Variants in SEMA3E observed in about 807,000 individuals in gnomAD.
The protein encoded by SEMA3E is semaphorin-3E.
Under a neutral mutation model 93.6 loss-of-function variants are expected in SEMA3E, and 49 were observed. The ratio of observed to expected loss-of-function variants is 0.52; its 90% CI spans 0.42 to 0.66. SEMA3E has a LOEUF of 0.66. SEMA3E is among the 30% of genes least tolerant of loss of function. The probability of loss-of-function intolerance (pLI) is 0.00; values close to 1 mark genes in which losing one functional copy is unlikely to be tolerated. For synonymous variants in SEMA3E, 363 were observed against 330.7 expected, an observed-to-expected ratio of 1.10 and a Z score of -1.06; for missense variants, 906 against 964.8, an observed-to-expected ratio of 0.94 and a Z score of 0.81.
intron 2 of SEMA3E, among the ~76,000 whole-genome samples, chr7:83,478,516 A>C (rs1295258764): frequency 6.6e-6 from 1 of 152,176 alleles, no homozygotes; most frequent in Non-Finnish European, 1.5e-5. Context: ...ATGTGTACAG[A>C]TTGCAAGGGG....
At chr7:83,568,864 TC>T in intron 1 of SEMA3E, among the ~76,000 whole-genome samples, 1 of 152,100 alleles carries the variant, frequency 6.6e-6, no homozygotes, top group South Asian at 2.1e-4. Context: ...GTACTAAAAG[TC>T]CTAGTCAGAG....
chr7:83,623,139 G>A (rs1008783175), intron 1 of SEMA3E, among the ~76,000 whole-genome samples: 2 of 151,964 alleles, frequency 1.3e-5, no homozygotes, highest in African/African-American at 4.8e-5. Flanking sequence ...CATTTGCCAG[G>A]CAATTTTATT....
At chr7:83,442,617 G>A (rs1789138783) in intron 4 of SEMA3E, among the ~76,000 whole-genome samples, 1 of 152,082 alleles carries the variant, frequency 6.6e-6, no homozygotes, top group African/African-American at 2.4e-5. Flanking sequence ...TTCTACGTTT[G>A]CTAAAGCTGC....
chr7:83,560,421 T>A (rs1021175858), intron 1 of SEMA3E, among the ~76,000 whole-genome samples: 2 of 152,212 alleles, frequency 1.3e-5, no homozygotes, highest in South Asian at 2.1e-4. Context: ...TAGTGGTGTC[T>A]TGTCCAGCTC....
chr7:83,419,473 G>A (rs1239546724), intron 4 of SEMA3E, among the ~76,000 whole-genome samples: 1 of 152,110 alleles, frequency 6.6e-6, no homozygotes, highest in Non-Finnish European at 1.5e-5. Flanking sequence ...GGGTCAAATG[G>A]TAATTCTGTT....
intron 4 of SEMA3E, among the ~76,000 whole-genome samples, chr7:83,450,597 G>C (rs1789339117): frequency 6.6e-6 from 1 of 151,682 alleles, no homozygotes; most frequent in Non-Finnish European, 1.5e-5. Flanking sequence ...TTATTTTGGG[G>C]GTAGTTATTG....
intron 1 of SEMA3E, among the ~76,000 whole-genome samples, chr7:83,561,980 G>A (rs1053063568): frequency 4.6e-5 from 7 of 152,076 alleles, no homozygotes; most frequent in African/African-American, 1.7e-4. Context: ...TATTGATTTG[G>A]AGGGCGCATG....
At chr7:83,614,494 T>C (rs1415932126) in intron 1 of SEMA3E, among the ~76,000 whole-genome samples, 5 of 152,096 alleles carry the variant, frequency 3.3e-5, no homozygotes, top group Admixed American at 6.6e-5. Context: ...AGCAAAAATA[T>C]TTTCTTCACA....
chr7:83,533,000 C>T (rs1163136923), intron 1 of SEMA3E, among the ~76,000 whole-genome samples: 1 of 152,034 alleles, frequency 6.6e-6, no homozygotes, highest in Non-Finnish European at 1.5e-5. Flanking sequence ...ACATGGTTTC[C>T]TCATTCACCT....
intron 1 of SEMA3E, among the ~76,000 whole-genome samples, chr7:83,516,521 A>T (rs1790931548): frequency 6.6e-6 from 1 of 152,194 alleles, no homozygotes; most frequent in Non-Finnish European, 1.5e-5. Flanking sequence ...GCAAATCTTA[A>T]CACAGGGAGG....
chr7:83,569,301 TAGACA>T (rs139306781), intron 1 of SEMA3E, among the ~76,000 whole-genome samples: 71,342 of 151,312 alleles, frequency 0.47, 19,408 homozygotes, highest in African/African-American at 0.77. Flanking sequence ...ACTCATCCCA[TAGACA>T]AGACAATATA....
chr7:83,524,516 G>A (rs563255741), intron 1 of SEMA3E, among the ~76,000 whole-genome samples: 1 of 152,202 alleles, frequency 6.6e-6, no homozygotes, highest in Non-Finnish European at 1.5e-5. Context: ...ATTCCTAGAA[G>A]CAGGTGGTGT....
rs73177155 is a variant in SEMA3E at position 83,648,897 on chromosome 7, A to G, written c.-355T>C. 4,062 of 185,086 alleles carry G rather than the reference A, an allele frequency of 0.022. 79 individuals carry two copies. Among genetic ancestry groups the G allele is most frequent in the Non-Finnish European group, 0.03 (2,985 of 99,322 alleles). The allele number at this position is 185,086 out of a possible 1,614,324, so 11.5% of individuals were successfully genotyped here. A position where few individuals can be genotyped will look rare whatever the true frequency, so the allele number is the denominator to read the frequency against. Reference sequence around the variant, plus strand: ...TGTTCATTCAGAAAAAAAAAAAAAAAAGAGAGAAAAAAACAAAACCGAGCA... The same window carrying G: ...TGTTCATTCAGAAAAAAAAAAAAAAGAGAGAGAAAAAAACAAAACCGAGCA... On this transcript the variant is annotated 5_prime_UTR_variant, in exon 1 of 17. Coordinates refer to ENST00000643230, the MANE Select transcript of SEMA3E (RefSeq NM_012431.3).
chr7:83,648,835 A>G lies in SEMA3E; in HGVS notation c.-293T>C. ...CTTCAGCAACTACGCCGGTAGATTCAGGAAGAAGCTGTATTTTTCAGTCAC... is the reference window on the plus strand; with the variant it reads ...CTTCAGCAACTACGCCGGTAGATTCGGGAAGAAGCTGTATTTTTCAGTCAC... On this transcript the variant is annotated 5_prime_UTR_variant, in exon 1 of 17. Coordinates refer to ENST00000643230, the MANE Select transcript of SEMA3E (RefSeq NM_012431.3). The G allele has an allele frequency of 3.0e-6, 1 of 335,076 alleles. No individual in the cohort carries two copies. Among genetic ancestry groups the G allele is most frequent in the Non-Finnish European group, 5.6e-6 (1 of 179,034 alleles). 20.8% of individuals were successfully genotyped at this position (335,076 alleles called of 1,614,324 possible).
chr7:83,533,359 T>A (rs995921392), intron 1 of SEMA3E, among the ~76,000 whole-genome samples: 3 of 151,956 alleles, frequency 2.0e-5, no homozygotes, highest in Non-Finnish European at 2.9e-5. Context: ...CTGGCCAACA[T>A]GGCAAAACCC....
chr7:83,484,485 C>T (rs1434665084), intron 2 of SEMA3E, among the ~76,000 whole-genome samples: 3 of 152,116 alleles, frequency 2.0e-5, no homozygotes, highest in African/African-American at 7.2e-5. Flanking sequence ...TCAATGACCT[C>T]GTCCTTCAAA....
intron 1 of SEMA3E, among the ~76,000 whole-genome samples, chr7:83,529,654 A>G (rs1199246154): frequency 6.6e-6 from 1 of 152,164 alleles, no homozygotes; most frequent in Non-Finnish European, 1.5e-5. Context: ...GAAAGATGTC[A>G]GAAAAAAGCT....
intron 11 of SEMA3E, among the ~76,000 whole-genome samples, chr7:83,398,231 T>C (rs1374646046): frequency 6.6e-6 from 1 of 152,176 alleles, no homozygotes; most frequent in African/African-American, 2.4e-5. Context: ...TTGATCAATA[T>C]GACAAGCAAG....
At chr7:83,437,455 A>T (rs2115770285) in intron 4 of SEMA3E, among the ~76,000 whole-genome samples, 1 of 152,236 alleles carries the variant, frequency 6.6e-6, no homozygotes, top group South Asian at 2.1e-4. Flanking sequence ...ATGACTTAAA[A>T]TTTTAAAGAA....
Sources: allele counts gnomAD v4.1 joint callset (sites outside exome capture counted in the v4.1 genomes callset), GRCh38; gene constraint gnomAD v4.1.1; transcripts MANE v1.5; gene names NCBI Gene and HGNC (gene_info 2026-07-23, HGNC 2026-07-21).